The following CLMP variants were observed in gnomAD, a reference collection of about 807,000 sequenced individuals.
CLMP encodes CXADR-like membrane protein.
In CLMP, 27 loss-of-function variants were observed where a neutral mutation model predicts 45.2. The ratio of observed to expected loss-of-function variants is 0.60; its 90% CI spans 0.44 to 0.82. The LOEUF is 0.82. CLMP is among the 40% of genes least tolerant of loss of function. The pLI is 0.00. For synonymous variants in CLMP, 167 were observed against 171.4 expected (o/e 0.97, Z 0.20); for missense variants, 403 against 448.4 (o/e 0.90, Z 0.91).
At chr11:123,164,658 G>A (rs1861534275) in intron 1 of CLMP, among the ~76,000 whole-genome samples, 1 of 151,666 alleles carries the variant, frequency 6.6e-6, no homozygotes, top group Non-Finnish European at 1.5e-5. Context: ...GTAGCTATCT[G>A]TATAGCACTT....
At chr11:123,085,373 T>C (rs1865851885) in intron 2 of CLMP, among the ~76,000 whole-genome samples, 1 of 151,876 alleles carries the variant, frequency 6.6e-6, no homozygotes, top group African/African-American at 2.4e-5. Flanking sequence ...CTCAGCCTCC[T>C]GAGTAGCTGG....
intron 1 of CLMP, among the ~76,000 whole-genome samples, chr11:123,182,068 G>C (rs1176396193): frequency 2.0e-5 from 3 of 152,196 alleles, no homozygotes; most frequent in Non-Finnish European, 4.4e-5. Flanking sequence ...CTTGGTGCCT[G>C]CTATTTTAAC....
intron 1 of CLMP, among the ~76,000 whole-genome samples, chr11:123,121,212 G>A (rs1462054404): frequency 6.6e-6 from 1 of 151,260 alleles, no homozygotes; most frequent in East Asian, 1.9e-4. Context: ...CTGTTTGATT[G>A]TGGGATTCCC....
intron 2 of CLMP, among the ~76,000 whole-genome samples, chr11:123,089,890 G>A (rs1372583116): frequency 2.0e-5 from 3 of 151,504 alleles, no homozygotes; most frequent in South Asian, 2.1e-4. Context: ...ACCCGAGGTC[G>A]GGAGTTCGAG....
chr11:123,139,700 C>T (rs904089442), intron 1 of CLMP, among the ~76,000 whole-genome samples: 1 of 152,140 alleles, frequency 6.6e-6, no homozygotes, highest in African/African-American at 2.4e-5. Context: ...CCTGTAGTTC[C>T]AGCTACTTGG....
intron 1 of CLMP, among the ~76,000 whole-genome samples, chr11:123,101,204 G>A (rs1866055587): frequency 6.6e-6 from 1 of 152,192 alleles, no homozygotes; most frequent in African/African-American, 2.4e-5. Flanking sequence ...TGCCTCCTGG[G>A]TTCAAGGCAT....
chr11:123,189,771 G>A (rs1861881801), intron 1 of CLMP, among the ~76,000 whole-genome samples: 1 of 152,138 alleles, frequency 6.6e-6, no homozygotes, highest in Non-Finnish European at 1.5e-5. Context: ...CCATTGGGAG[G>A]CCGATGATCA....
intron 1 of CLMP, among the ~76,000 whole-genome samples, chr11:123,109,388 A>G (rs1461366804): frequency 2.1e-5 from 3 of 144,244 alleles, no homozygotes; most frequent in African/African-American, 8.1e-5. Context: ...CGTGAGAGCC[A>G]ATGTTATCAA....
In CLMP at chr11:123,185,079, T is replaced by C. The variant is rs117370850; in HGVS notation, c.28+9834A>G. Among the ~76,000 whole-genome samples, 303 of 151,868 alleles carry C rather than the reference T, an allele frequency of 2.0e-3. 3 individuals carry two copies. The East Asian group carries it at 0.05, about 25-fold the overall frequency. On this transcript the variant is annotated intron_variant, in intron 1 of 6. Coordinates refer to ENST00000448775, the MANE Select transcript of CLMP (RefSeq NM_024769.5). ...GCGGATGGGAGGGAGCTGGTCAGGG[T>C]AGAAGTGGTGAAGAGGTGGCTGGTC...
intron 1 of CLMP, among the ~76,000 whole-genome samples, chr11:123,189,449 T>A (rs548489420): frequency 7.5e-4 from 114 of 152,342 alleles, no homozygotes; most frequent in Non-Finnish European, 1.4e-3. Flanking sequence ...TAATAATACT[T>A]ACTCTCAAAG....
intron 1 of CLMP, among the ~76,000 whole-genome samples, chr11:123,135,287 T>G (rs1336549368): frequency 1.5e-5 from 2 of 131,474 alleles, no homozygotes; most frequent in African/African-American, 6.4e-5. Context: ...CTGAGAAAAT[T>G]GTCAAATATC....
chr11:123,126,805 G>C (rs1195321307), intron 1 of CLMP, among the ~76,000 whole-genome samples: 1 of 151,948 alleles, frequency 6.6e-6, no homozygotes, highest in Non-Finnish European at 1.5e-5. Flanking sequence ...ACTCAGGCAG[G>C]AGAATGGCAC....
chr11:123,112,995 G>T (rs538032919), intron 1 of CLMP, among the ~76,000 whole-genome samples: 1 of 151,534 alleles, frequency 6.6e-6, no homozygotes, highest in Non-Finnish European at 1.5e-5. Flanking sequence ...GGATGGTCTC[G>T]ATCTCCTGAC....
intron 1 of CLMP, among the ~76,000 whole-genome samples, chr11:123,114,464 C>T (rs1159545167): frequency 7.7e-6 from 1 of 130,518 alleles, no homozygotes; most frequent in African/African-American, 2.9e-5. Flanking sequence ...CCCTCCCTTC[C>T]TTCCTTCCTT....
chr11:123,111,613 C>G (rs1458197694), intron 1 of CLMP, among the ~76,000 whole-genome samples: 2 of 152,124 alleles, frequency 1.3e-5, no homozygotes, highest in Admixed American at 6.6e-5. Context: ...TTAGCCAGGC[C>G]TCACCTTTAA....
chr11:123,074,591 T>C, intron 6 of CLMP, 111 bp downstream of exon 6: 9 of 1,145,310 alleles, frequency 7.9e-6, no homozygotes, highest in Non-Finnish European at 1.1e-5. Flanking sequence ...AGGATAATCC[T>C]TTTAACAGAT....
chr11:123,156,200 CAAG>C (rs1223238221), intron 1 of CLMP, among the ~76,000 whole-genome samples: 4 of 152,338 alleles, frequency 2.6e-5, no homozygotes, highest in Non-Finnish European at 5.9e-5. Context: ...GAGGATACAA[CAAG>C]AAGGCAACCA....
intron 1 of CLMP, among the ~76,000 whole-genome samples, chr11:123,140,255 T>C (rs138174903): frequency 7.9e-5 from 12 of 152,258 alleles, no homozygotes; most frequent in African/African-American, 2.9e-4. Context: ...CTAGGGTTAC[T>C]AGTAGGAGGA....
At chr11:123,179,169 T>C (rs1031587787) in intron 1 of CLMP, among the ~76,000 whole-genome samples, 3 of 152,206 alleles carry the variant, frequency 2.0e-5, no homozygotes, top group Admixed American at 6.5e-5. Flanking sequence ...TAATATTTGT[T>C]ACCTCGGTTG....
Sources: gnomAD v4.1 joint callset for allele counts (sites outside exome capture counted in the v4.1 genomes callset) on GRCh38, gnomAD v4.1.1 for gene constraint, MANE v1.5 for transcripts, NCBI Gene and HGNC (gene_info 2026-07-23, HGNC 2026-07-21) for gene names.